TNRC6B: variants seen among roughly 807,000 people sequenced by gnomAD.
TNRC6B encodes the protein trinucleotide repeat-containing gene 6B protein.
In TNRC6B, 52 loss-of-function variants were observed where a neutral mutation model predicts 203.6. The observed-to-expected ratio is 0.26, with a 90% confidence interval of 0.20 to 0.32. The LOEUF (loss-of-function observed/expected upper bound fraction) is 0.32. TNRC6B is among the 10% of genes least tolerant of loss of function. TNRC6B has a pLI of 1.00. For synonymous variants in TNRC6B, 838 were observed against 845.7 expected (o/e 0.99, Z 0.16); for missense variants, 1,923 against 2,286.2 (o/e 0.84, Z 3.24).
At chr22:40,069,776 C>T (rs1569249733) in intron 1 of TNRC6B, among the ~76,000 whole-genome samples, 4 of 152,208 alleles carry the variant, frequency 2.6e-5, no homozygotes, top group Admixed American at 1.3e-4. Context: ...GCCTGAGGCA[C>T]TGCGCCCGGC....
chr22:40,210,647 G>A (rs777371600), intron 1 of TNRC6B, among the ~76,000 whole-genome samples: 3 of 152,098 alleles, frequency 2.0e-5, no homozygotes, highest in Admixed American at 6.6e-5. Context: ...CAGTGGAGAC[G>A]GTGTTAGGGC....
intron 1 of TNRC6B, among the ~76,000 whole-genome samples, chr22:40,067,163 C>T (rs1219267825): frequency 6.6e-6 from 1 of 152,074 alleles, no homozygotes; most frequent in Non-Finnish European, 1.5e-5. Context: ...TAATTAATTT[C>T]TGTGTAAAGA....
At chr22:40,304,234 A>G (rs539597462) in intron 15 of TNRC6B, among the ~76,000 whole-genome samples, 2 of 152,352 alleles carry the variant, frequency 1.3e-5, no homozygotes, top group East Asian at 3.9e-4. Flanking sequence ...AAAATTAAGA[A>G]TTTGAATGAC....
chr22:40,073,460 G>A (rs1183898153), intron 1 of TNRC6B, among the ~76,000 whole-genome samples: 1 of 152,116 alleles, frequency 6.6e-6, no homozygotes, highest in Admixed American at 6.5e-5. Context: ...GCTTTGGCTG[G>A]TAGAGTACAA....
At position 40,326,525 on chromosome 22, in the gene TNRC6B, A is replaced by G. The variant is rs564274756; in HGVS notation, c.*3284A>G. 6.5e-6 allele frequency: 1 copy of G among 152,736 alleles called. No homozygotes were observed. The highest frequency in any genetic ancestry group is 2.1e-4 in the South Asian group (1 of 4,828). The allele number at this position is 152,736 out of a possible 1,614,324, so 9.5% of individuals were successfully genotyped here. On this transcript the variant is annotated 3_prime_UTR_variant, in exon 23 of 23. Coordinates refer to ENST00000454349, the MANE Select transcript of TNRC6B (RefSeq NM_001162501.2). ...AGTTTAATGGGAGAGTGTTTGGTGT[A>G]TATAGATGAGAATGCCATCACTTTG...
chr22:40,071,548 A>G (rs1362186431), intron 1 of TNRC6B, among the ~76,000 whole-genome samples: 1 of 152,232 alleles, frequency 6.6e-6, no homozygotes, highest in African/African-American at 2.4e-5. Flanking sequence ...ACTTATGATA[A>G]CATGAAACTC....
At chr22:40,127,987 C>T (rs2068508938) in intron 3 of TNRC6B, among the ~76,000 whole-genome samples, 1 of 152,140 alleles carries the variant, frequency 6.6e-6, no homozygotes, top group African/African-American at 2.4e-5. Flanking sequence ...TATTACTGTG[C>T]CATAAACTCA....
chr22:40,273,378 T>G, intron 6 of TNRC6B, 47 bp from the exon 7 acceptor site: 2 of 1,475,330 alleles, frequency 1.4e-6, no homozygotes, highest in Admixed American at 4.9e-5. Context: ...TTCTGATGAT[T>G]GTTTTATATA....
chr22:40,185,931 C>T (rs1348543629), intron 1 of TNRC6B, among the ~76,000 whole-genome samples: 4 of 152,112 alleles, frequency 2.6e-5, no homozygotes, highest in African/African-American at 4.8e-5. Context: ...AGGAAGATGA[C>T]GCATTCCAGG....
chr22:40,130,162 G>T (rs975984173), intron 3 of TNRC6B, among the ~76,000 whole-genome samples: 1 of 152,132 alleles, frequency 6.6e-6, no homozygotes, highest in Non-Finnish European at 1.5e-5. Context: ...AGAAAAGAGG[G>T]AAGAAATGGG....
intron 1 of TNRC6B, among the ~76,000 whole-genome samples, chr22:40,224,546 C>T (rs529574488): frequency 6.6e-5 from 10 of 152,134 alleles, no homozygotes; most frequent in Non-Finnish European, 1.5e-4. Flanking sequence ...TGGATTCTAT[C>T]ATAATACTTG....
At chr22:40,279,932 C>A in intron 9 of TNRC6B, 63 bp from the exon 10 acceptor site, 1 of 1,536,104 alleles carries the variant, frequency 6.5e-7, no homozygotes, top group African/African-American at 1.4e-5. Flanking sequence ...GGGCAGGTCA[C>A]TCTTGGTTCA....
intron 12 of TNRC6B, among the ~76,000 whole-genome samples, chr22:40,295,569 AT>A (rs1172302375): frequency 6.6e-6 from 1 of 152,138 alleles, no homozygotes; most frequent in East Asian, 1.9e-4. Flanking sequence ...AAACTGAGGA[AT>A]TTAACTCTGA....
intron 3 of TNRC6B, among the ~76,000 whole-genome samples, chr22:40,146,038 T>C (rs2068692738): frequency 6.6e-6 from 1 of 152,130 alleles, no homozygotes; most frequent in Non-Finnish European, 1.5e-5. Flanking sequence ...GAAATGGCTG[T>C]GGCAGAATGA....
At chr22:40,300,665 A>G (rs2071010975) in intron 13 of TNRC6B, 79 bp downstream of exon 13, 3 of 1,517,332 alleles carry the variant, frequency 2.0e-6, no homozygotes. Flanking sequence ...TGCTTCCCAC[A>G]TCTTTGCCAC....
upstream of TNRC6B, among the ~76,000 whole-genome samples, chr22:40,176,922 A>T (rs2069067593): frequency 6.6e-6 from 1 of 152,134 alleles, no homozygotes; most frequent in Non-Finnish European, 1.5e-5. Context: ...AAAGAAACCA[A>T]AGATACCATC....
At chr22:40,090,893 A>C (rs574907049) in intron 1 of TNRC6B, among the ~76,000 whole-genome samples, 1 of 152,368 alleles carries the variant, frequency 6.6e-6, no homozygotes, top group South Asian at 2.1e-4. Flanking sequence ...GTCATAAAAG[A>C]CTGTGATCAG....
At chr22:40,147,931 G>A (rs903112317) in intron 3 of TNRC6B, among the ~76,000 whole-genome samples, 2 of 152,174 alleles carry the variant, frequency 1.3e-5, no homozygotes, top group African/African-American at 4.8e-5. Flanking sequence ...CTTTTGGAAT[G>A]ATGAAAAAGT....
rs538016595 is a variant in TNRC6B at position 40,101,863 on chromosome 22, G to A, written c.-120-15192G>A. ...TACAGCTGACAATTGACACCCAACC[G>A]GTGTCGCTTCTCTGGTTTTGTCTAA... On this transcript the variant is annotated intron_variant, in intron 1 of 23. Transcript: ENST00000301923. Among the ~76,000 whole-genome samples the A allele has an allele frequency of 2.6e-5, 4 of 152,276 alleles. No homozygotes were observed. In the East Asian group the frequency reaches 5.8e-4, roughly 22 times the overall value.
Sources: allele counts gnomAD v4.1 joint callset (sites outside exome capture counted in the v4.1 genomes callset), GRCh38; gene constraint gnomAD v4.1.1; transcripts MANE v1.5; gene names NCBI Gene and HGNC (gene_info 2026-07-23, HGNC 2026-07-21).